The following CACNA1I variants were observed in gnomAD, a reference collection of about 807,000 sequenced individuals.
CACNA1I encodes voltage-dependent T-type calcium channel subunit alpha-1I.
Under a neutral mutation model 201.6 loss-of-function variants are expected in CACNA1I, and 74 were observed. The observed-to-expected ratio is 0.37, with a 90% CI of 0.30 to 0.45. The LOEUF is 0.45. Among genes scored for constraint, CACNA1I ranks in the 20% least tolerant of loss-of-function variants. CACNA1I has a pLI of 1.00. For missense variants in CACNA1I, 2,346 were observed against 3,138.1 expected (o/e 0.75, Z 6.03); for synonymous variants, 1,431 against 1,345.2 (o/e 1.06, Z -1.40).
rs182561906 is a variant in CACNA1I at position 39,657,077 on chromosome 22, G to C, written c.1993-1075G>C. ...ATAAGGAAACTAAACTCCAGAGGAG[G>C]GGGGAAGCAACTTTCCCAGGACCAC... On this transcript the variant is annotated intron_variant, in intron 10 of 36. Coordinates refer to ENST00000402142, the MANE Select transcript of CACNA1I (RefSeq NM_021096.4). Among the ~76,000 whole-genome samples, 891 of 152,258 alleles carry C rather than the reference G, an allele frequency of 5.9e-3. 7 individuals are homozygous for C. Among genetic ancestry groups the C allele is most frequent in the Non-Finnish European group, 9.2e-3 (626 of 68,018 alleles).
rs905677807 is a variant in CACNA1I, at chr22:39,685,912, C to G, written c.6179C>G (p.Ser2060Cys). ...APAPGPRAGL[S>C]PAARRRLSLR... is the part of the protein sequence containing the mutation. ...GCTCCAGGACCCCGGGCCGGCCTGT[C>G]CCCCGCCGCTCGCCGCCGCCTGAGC... The change falls in exon 37 of 37, where the codon TCC becomes TGC. Residue 2060 changes from serine (S) to cysteine (C), a missense_variant. Physicochemically the swap from Ser to Cys is moderately radical, Grantham distance 112. Around this residue, in one of 13 missense-constraint regions of CACNA1I, gnomAD observed 441 missense variants for 555.6 expected, o/e 0.79. Coordinates refer to ENST00000402142, the MANE Select transcript of CACNA1I (RefSeq NM_021096.4). The surrounding 1 kb of genome is among the most constrained non-coding windows in gnomAD (Gnocchi z 5.0). 7.5e-7 allele frequency: 1 copy of G among 1,330,698 alleles called. No homozygotes were observed. Among genetic ancestry groups the G allele is most frequent in the African/African-American group, 1.5e-5 (1 of 64,724 alleles). 82.4% of individuals were successfully genotyped at this position (1,330,698 alleles called of 1,614,324 possible).
chr22:39,571,624 C>T (rs1018866882), intron 1 of CACNA1I, among the ~76,000 whole-genome samples: 3 of 152,238 alleles, frequency 2.0e-5, no homozygotes, highest in Admixed American at 6.5e-5. Context: ...CTGTGCTCTT[C>T]TGAGCCTCAG....
intron 2 of CACNA1I, 142 bp from the exon 3 acceptor site, chr22:39,600,378 C>T: frequency 1.5e-6 from 1 of 647,520 alleles, no homozygotes; most frequent in East Asian, 2.9e-5. Flanking sequence ...TGAGGTTCTC[C>T]TCCTGCCCAG....
rs762336883 is a variant in CACNA1I at position 39,684,464 on chromosome 22, G to A, written c.5993G>A (p.Arg1998Gln). The A allele has an allele frequency of 1.9e-5, 31 of 1,613,162 alleles. No homozygotes were observed. Among genetic ancestry groups the A allele is most frequent in the African/African-American group, 5.3e-5 (4 of 74,906 alleles). ...CTGCAGGGCTCCTGGGCATCTCTGC[G>A]GTCACCAAGGGTCAACTGTACCCTC... is the stretch of plus-strand genomic sequence containing the variant. ...IALQGSWASL[R>Q]SPRVNCTLLR... The change falls in exon 36 of 37, where the codon CGG becomes CAG. Residue 1998 changes from arginine (R) to glutamine (Q), a missense_variant. Arg to Gln is a conservative substitution (Grantham distance 43). Around this residue, in one of 13 missense-constraint regions of CACNA1I, gnomAD observed 441 missense variants for 555.6 expected, o/e 0.79. Coordinates refer to ENST00000402142, the MANE Select transcript of CACNA1I (RefSeq NM_021096.4). The surrounding 1 kb of genome is among the most constrained non-coding windows in gnomAD (Gnocchi z 4.6).
At position 39,684,653 on chromosome 22, in the gene CACNA1I, T is replaced by C; in HGVS notation, c.6027+155T>C. 1.3e-6 allele frequency: 1 copy of C among 752,606 alleles called. No homozygotes were observed. Among genetic ancestry groups the C allele is most frequent in the Non-Finnish European group, 2.2e-6 (1 of 464,634 alleles). 46.6% of individuals were successfully genotyped at this position (752,606 alleles called of 1,614,324 possible). ...GGGTTTGGGAACGCTGGGGTGACGC[T>C]GAGACTGGAGGGGGAGGTGGCACTG... On this transcript the variant is annotated intron_variant, in intron 36 of 36. Coordinates refer to ENST00000402142, the MANE Select transcript of CACNA1I (RefSeq NM_021096.4). The surrounding 1 kb of genome is among the most constrained non-coding windows in gnomAD (Gnocchi z 4.6).
chr22:39,623,187 G>T (rs184971003), intron 4 of CACNA1I, among the ~76,000 whole-genome samples: 140 of 152,232 alleles, frequency 9.2e-4, no homozygotes, highest in Non-Finnish European at 1.6e-3. Flanking sequence ...GGGTGTGAGG[G>T]TGTGTGTGGG....
intron 4 of CACNA1I, among the ~76,000 whole-genome samples, chr22:39,628,225 C>T (rs1403949221): frequency 6.6e-6 from 1 of 152,100 alleles, no homozygotes; most frequent in African/African-American, 2.4e-5. Context: ...TAAAATCCAC[C>T]GGGGGTTCTC....
At chr22:39,645,698 T>G (rs960799269) in intron 7 of CACNA1I, among the ~76,000 whole-genome samples, 3 of 152,154 alleles carry the variant, frequency 2.0e-5, no homozygotes, top group Non-Finnish European at 2.9e-5. Context: ...ATGAAAGCTA[T>G]CTGCTCAGGC....
At position 39,648,029 on chromosome 22, in the gene CACNA1I, G is replaced by A; in HGVS notation, c.1567+103G>A. On this transcript the variant is annotated intron_variant, in intron 9 of 36. Transcript: ENST00000402142. This position sits in a 1 kb window ranked among gnomAD's most constrained non-coding sequence, Gnocchi z 5.4. Reference sequence around the variant, plus strand: ...CGGCAGGCATGGGGACGGCGCTTGAGCAGCCGCGACCCTCTGCAGGCCTGT... The same window carrying A: ...CGGCAGGCATGGGGACGGCGCTTGAACAGCCGCGACCCTCTGCAGGCCTGT... 1 of 1,008,368 alleles carries A rather than the reference G, an allele frequency of 9.9e-7. No individual in the cohort carries two copies. Among genetic ancestry groups the A allele is most frequent in the Non-Finnish European group, 1.5e-6 (1 of 665,842 alleles). The allele number at this position is 1,008,368 out of a possible 1,614,324, so 62.5% of individuals were successfully genotyped here.
At chr22:39,592,257 C>G (rs553753739) in intron 1 of CACNA1I, among the ~76,000 whole-genome samples, 3 of 152,300 alleles carry the variant, frequency 2.0e-5, no homozygotes, top group East Asian at 3.9e-4. Flanking sequence ...TCAGGGCTGC[C>G]CGTCAGGGAT....
chr22:39,677,332 C>A lies in CACNA1I; in HGVS notation c.4855-9C>A. Reference sequence around the variant, plus strand: ...CCAGCCCCACCCGGCCTCACCTGTCCTCCCGCAGGTGGGCAACCTGGGCCT... The same window carrying A: ...CCAGCCCCACCCGGCCTCACCTGTCATCCCGCAGGTGGGCAACCTGGGCCT... On this transcript the variant is annotated splice_polypyrimidine_tract_variant and intron_variant, in intron 29 of 36. Coordinates refer to ENST00000402142, the MANE Select transcript of CACNA1I (RefSeq NM_021096.4). This position sits in a 1 kb window ranked among gnomAD's most constrained non-coding sequence, Gnocchi z 4.8. The A allele has an allele frequency of 6.3e-7, 1 of 1,584,584 alleles. No individual in the cohort carries two copies. The highest frequency in any genetic ancestry group is 1.1e-5 in the South Asian group (1 of 87,230).
rs1376842408 is a variant in CACNA1I at position 39,684,572 on chromosome 22, C to G, written c.6027+74C>G. 7 of 1,503,192 alleles carry G rather than the reference C, an allele frequency of 4.7e-6. No individual in the cohort carries two copies. Among genetic ancestry groups the G allele is most frequent in the Non-Finnish European group, 6.4e-6 (7 of 1,098,772 alleles). 93.1% of individuals were successfully genotyped at this position (1,503,192 alleles called of 1,614,324 possible). A position where few individuals can be genotyped will look rare whatever the true frequency, so the allele number is the denominator to read the frequency against. On this transcript the variant is annotated intron_variant, in intron 36 of 36. Transcript: ENST00000402142. The surrounding 1 kb of genome is among the most constrained non-coding windows in gnomAD (Gnocchi z 4.6). ...AGGATCTAAGCCAGGCCTGGAAGTC[C>G]AAGGGACTGGGAGGGGAAGGACCCA...
intron 1 of CACNA1I, among the ~76,000 whole-genome samples, chr22:39,578,224 C>T (rs930949930): frequency 1.3e-5 from 2 of 152,138 alleles, no homozygotes; most frequent in Non-Finnish European, 2.9e-5. Flanking sequence ...CCTGCTGTCC[C>T]TGCCCTGGTC....
intron 5 of CACNA1I, among the ~76,000 whole-genome samples, chr22:39,635,342 G>GC (rs954051013): frequency 8.5e-5 from 13 of 152,128 alleles, no homozygotes; most frequent in African/African-American, 2.9e-4. Context: ...CGGCAGAAGG[G>GC]GGGGGGTCCC....
intron 31 of CACNA1I, among the ~76,000 whole-genome samples, 153 bp from the exon 32 acceptor site, chr22:39,678,954 C>T (rs1393432972): frequency 6.6e-6 from 1 of 152,070 alleles, no homozygotes; most frequent in Non-Finnish European, 1.5e-5. Flanking sequence ...GCAGATGCCG[C>T]AACAAGGCAG....
chr22:39,646,996 C>G, intron 8 of CACNA1I, 115 bp downstream of exon 8: 1 of 1,402,450 alleles, frequency 7.1e-7, no homozygotes, highest in Non-Finnish European at 9.3e-7. Flanking sequence ...ACTTCATGCT[C>G]AAGTGTTTCC....
At position 39,630,793 on chromosome 22, in the gene CACNA1I, G is replaced by A. The variant is rs555561942; in HGVS notation, c.581-3772G>A. Among the ~76,000 whole-genome samples, 16 of 152,408 alleles carry A rather than the reference G, an allele frequency of 1.0e-4. No homozygotes were observed. In the South Asian group the frequency reaches 1.2e-3, roughly 12 times the overall value. On this transcript the variant is annotated intron_variant, in intron 4 of 36. Coordinates refer to ENST00000402142, the MANE Select transcript of CACNA1I (RefSeq NM_021096.4). ...TGTGCAAGGGCACGGAGGCAGCCCC[G>A]AAAGTGGGCTTTCCAGCACTGGAAG... is the stretch of plus-strand genomic sequence containing the variant.
chr22:39,661,349 C>A (rs1042766771), intron 16 of CACNA1I, 39 bp downstream of exon 16: 2 of 1,461,134 alleles, frequency 1.4e-6, no homozygotes, highest in Admixed American at 2.3e-5. Flanking sequence ...GCGCTTCCTG[C>A]TGGGGTGTGT....
chr22:39,636,878 G>GC (rs1426429862), intron 5 of CACNA1I, among the ~76,000 whole-genome samples: 9 of 152,212 alleles, frequency 5.9e-5, no homozygotes, highest in Admixed American at 3.3e-4. Flanking sequence ...CGTCGTCAGG[G>GC]CGGAGAAGGG....
Sources: gnomAD v4.1 joint callset for allele counts (sites outside exome capture counted in the v4.1 genomes callset) on GRCh38, gnomAD v4.1.1 for gene constraint, gnomAD v4.1.1 regional missense constraint, Gnocchi (gnomAD v3.1) non-coding constraint, MANE v1.5 for transcripts, NCBI Gene and HGNC (gene_info 2026-07-23, HGNC 2026-07-21) for gene names.